The following ADAMTS18 variants were observed in gnomAD, a reference collection of about 807,000 sequenced individuals.
ADAMTS18 encodes the protein ADAM metallopeptidase with thrombospondin type 1 motif 18.
ADAMTS18 carries 157 observed loss-of-function variants against 165.9 expected under a neutral mutation model. The observed-to-expected ratio is 0.95, with a 90% CI of 0.83 to 1.08. The LOEUF is 1.08. ADAMTS18 is among the 50% of genes least tolerant of loss of function. The pLI is 0.00. For synonymous variants in ADAMTS18, 782 were observed against 578.2 expected (o/e 1.35, Z -5.06); for missense variants, 2,040 against 1,534.0 (o/e 1.33, Z -5.51).
At chr16:77,308,906 A>G (rs2055729993) in intron 16 of ADAMTS18, among the ~76,000 whole-genome samples, 1 of 152,222 alleles carries the variant, frequency 6.6e-6, no homozygotes, top group Admixed American at 6.5e-5. Context: ...AGGAGTGGAG[A>G]ATTAAAATAG....
At chr16:77,404,911 G>A (rs372022052) in intron 3 of ADAMTS18, among the ~76,000 whole-genome samples, 1 of 152,200 alleles carries the variant, frequency 6.6e-6, no homozygotes, top group South Asian at 2.1e-4. Flanking sequence ...CCTTAACACA[G>A]TCTGGGAGTA....
intron 3 of ADAMTS18, among the ~76,000 whole-genome samples, chr16:77,401,500 G>GCT (rs1198444906): frequency 6.6e-6 from 1 of 152,204 alleles, no homozygotes; most frequent in African/African-American, 2.4e-5. Context: ...GTCACCAAAT[G>GCT]GTGAAGCCAG....
intron 3 of ADAMTS18, among the ~76,000 whole-genome samples, chr16:77,416,208 C>T (rs2057527932): frequency 6.6e-6 from 1 of 152,068 alleles, no homozygotes; most frequent in African/African-American, 2.4e-5. Flanking sequence ...GAAGAGCATT[C>T]CAAGTGCAGT....
At chr16:77,381,152 G>T (rs1172644719) in intron 3 of ADAMTS18, among the ~76,000 whole-genome samples, 1 of 152,140 alleles carries the variant, frequency 6.6e-6, no homozygotes, top group Non-Finnish European at 1.5e-5. Context: ...GGGATTAGAG[G>T]CGTGAGTCAC....
chr16:77,296,164 A>G (rs1597089139), intron 18 of ADAMTS18, among the ~76,000 whole-genome samples: 1 of 152,146 alleles, frequency 6.6e-6, no homozygotes, highest in Non-Finnish European at 1.5e-5. Flanking sequence ...ACTCCCATCC[A>G]TTTTATATAA....
chr16:77,288,399 A>T (rs1567452856), intron 22 of ADAMTS18, among the ~76,000 whole-genome samples: 1 of 149,626 alleles, frequency 6.7e-6, no homozygotes, highest in Non-Finnish European at 1.5e-5. Context: ...CTACAGAGCT[A>T]TTTTTTTTTT....
intron 3 of ADAMTS18, among the ~76,000 whole-genome samples, chr16:77,417,117 T>C (rs1011160251): frequency 4.0e-5 from 6 of 149,842 alleles, no homozygotes; most frequent in Non-Finnish European, 7.4e-5. Flanking sequence ...AGCATCCTTA[T>C]GACATCATTA....
chr16:77,353,595 C>A, intron 10 of ADAMTS18, 138 bp downstream of exon 10: 1 of 1,180,110 alleles, frequency 8.5e-7, no homozygotes, highest in East Asian at 2.5e-5. Context: ...ACTTAATTAT[C>A]ATGCCAAACA....
At chr16:77,321,858 C>T (rs1027174734) in intron 14 of ADAMTS18, among the ~76,000 whole-genome samples, 1 of 152,014 alleles carries the variant, frequency 6.6e-6, no homozygotes, top group Non-Finnish European at 1.5e-5. Context: ...AAATGAGGAA[C>T]GTAGATATGG....
chr16:77,293,727 G>T (rs898408421), intron 19 of ADAMTS18, among the ~76,000 whole-genome samples: 1 of 149,942 alleles, frequency 6.7e-6, no homozygotes, highest in Non-Finnish European at 1.5e-5. Flanking sequence ...TTCCACCTCA[G>T]ATCATCACGC....
At position 77,282,906 on chromosome 16, in the gene ADAMTS18, C is replaced by CTTTTTTTTTTTT. The variant is rs1555507097; in HGVS notation, c.*1038_*1049dup. The stretch of plus-strand genomic sequence containing the variant: ...CCACTGTTTACTCCTTTCTTTCTCT[C>CTTTTTTTTTTTT]TTTTTTTTTTTTTTTTTTTTGCTGT... On this transcript the variant is annotated 3_prime_UTR_variant, in exon 23 of 23. Transcript: ENST00000282849. The CTTTTTTTTTTTT allele has an allele frequency of 1.5e-4, 12 of 77,578 alleles. No homozygotes were observed. The highest frequency in any genetic ancestry group is 3.2e-4 in the African/African-American group (8 of 24,642). The allele number at this position is 77,578 out of a possible 1,614,324, so 4.8% of individuals were successfully genotyped here.
At chr16:77,357,792 C>T (rs569007264) in intron 8 of ADAMTS18, among the ~76,000 whole-genome samples, 42 of 152,290 alleles carry the variant, frequency 2.8e-4, no homozygotes, top group African/African-American at 9.9e-4. Flanking sequence ...TGTTTCAGAA[C>T]TTCTTAAGTC....
intron 13 of ADAMTS18, among the ~76,000 whole-genome samples, chr16:77,323,677 A>G (rs894803021): frequency 6.6e-6 from 1 of 152,158 alleles, no homozygotes; most frequent in African/African-American, 2.4e-5. Flanking sequence ...CATTTATGAA[A>G]AAGTCTTCCC....
At chr16:77,291,559 G>T in intron 20 of ADAMTS18, 81 bp from the exon 21 acceptor site, 1 of 1,374,860 alleles carries the variant, frequency 7.3e-7, no homozygotes, top group Non-Finnish European at 1.0e-6. Flanking sequence ...ACATAAGGTT[G>T]CACCATCCAC....
At position 77,317,618 on chromosome 16, in the gene ADAMTS18, A is replaced by G. The variant is rs138871553; in HGVS notation, c.2532+2231T>C. 4.8e-3 allele frequency among the ~76,000 whole-genome samples: 726 copies of G among 152,284 alleles called. 11 individuals carry two copies. The highest frequency in any genetic ancestry group is 0.017 in the African/African-American group (688 of 41,568). ...TTCCTAATGTGTGGACATTTTCACT[A>G]TTCTGCTTTCTGAAGTTCTAGCAAA... On this transcript the variant is annotated intron_variant, in intron 16 of 22. Coordinates refer to ENST00000282849, the MANE Select transcript of ADAMTS18 (RefSeq NM_199355.4).
At chr16:77,293,861 A>G (rs146100212) in intron 19 of ADAMTS18, among the ~76,000 whole-genome samples, 8 of 151,434 alleles carry the variant, frequency 5.3e-5, no homozygotes, top group African/African-American at 1.9e-4. Flanking sequence ...TTAGTCTGTG[A>G]TGCTGGCCTG....
At chr16:77,331,365 C>G (rs1353312511) in intron 12 of ADAMTS18, among the ~76,000 whole-genome samples, 1 of 152,116 alleles carries the variant, frequency 6.6e-6, no homozygotes, top group East Asian at 1.9e-4. Context: ...CTATACTTCA[C>G]AAATGTAAAG....
chr16:77,282,994 T>C lies in ADAMTS18; in HGVS notation c.*962A>G, dbSNP rs1350488783. On this transcript the variant is annotated 3_prime_UTR_variant, in exon 23 of 23. Coordinates refer to ENST00000282849, the MANE Select transcript of ADAMTS18 (RefSeq NM_199355.4). ...GTAGGAAAAAGCCACAAGTGGCCTT[T>C]AATTTTCCAAGCAGCTCTGGTAGTA... The C allele has an allele frequency of 6.7e-6, 1 of 150,348 alleles. No individual in the cohort carries two copies. The highest frequency in any genetic ancestry group is 2.4e-5 in the African/African-American group (1 of 40,982). The allele number at this position is 150,348 out of a possible 1,614,324, so 9.3% of individuals were successfully genotyped here.
rs928299300 is a variant in ADAMTS18 at position 77,367,337 on chromosome 16, G to C, written c.778+104C>G. The C allele has an allele frequency of 2.8e-5, 36 of 1,296,398 alleles. No homozygotes were observed. In the Admixed American group the frequency reaches 5.3e-4, roughly 19 times the overall value. 80.3% of individuals were successfully genotyped at this position (1,296,398 alleles called of 1,614,324 possible). On this transcript the variant is annotated intron_variant, in intron 4 of 22. Transcript: ENST00000282849. ...GGTCCTACACCAAGACAGATGCTCA[G>C]GGTAGCCCCATTTTGACTTGCAAAG...
Sources: allele counts gnomAD v4.1 joint callset (sites outside exome capture counted in the v4.1 genomes callset), GRCh38; gene constraint gnomAD v4.1.1; transcripts MANE v1.5; gene names NCBI Gene and HGNC (gene_info 2026-07-23, HGNC 2026-07-21).